Variants in PARVA observed in about 807,000 individuals in gnomAD.
PARVA encodes alpha-parvin.
PARVA carries 25 observed loss-of-function variants against 52.6 expected under a neutral mutation model. The observed-to-expected ratio is 0.48, with a 90% CI of 0.35 to 0.66. The LOEUF (loss-of-function observed/expected upper bound fraction) is 0.66, where lower values mean the gene tolerates loss of function less well. Among genes scored for constraint, PARVA ranks in the 30% least tolerant of loss-of-function variants. The pLI is 0.01. For synonymous variants in PARVA, 185 were observed against 179.1 expected (o/e 1.03, Z -0.26); for missense variants, 373 against 450.9 (o/e 0.83, Z 1.56).
rs927752762 is a variant in PARVA at position 12,397,891 on chromosome 11, G to A, written c.136+20108G>A. Among the ~76,000 whole-genome samples the A allele has an allele frequency of 2.0e-5, 3 of 151,706 alleles. No homozygotes were observed. The South Asian group carries it at 6.3e-4, about 32-fold the overall frequency. On this transcript the variant is annotated intron_variant, in intron 1 of 12. Coordinates refer to ENST00000334956, the MANE Select transcript of PARVA (RefSeq NM_018222.5). Reference sequence around the variant, plus strand: ...TTCACACTCCTCTGGATGCAGAGGGGCCAGATTTCTGACGAGAGGAGGAAG... The same window carrying A: ...TTCACACTCCTCTGGATGCAGAGGGACCAGATTTCTGACGAGAGGAGGAAG...
At chr11:12,497,908 A>G (rs563332835) in intron 5 of PARVA, among the ~76,000 whole-genome samples, 11 of 152,288 alleles carry the variant, frequency 7.2e-5, no homozygotes, top group South Asian at 2.1e-4. Context: ...GTTTGATCCT[A>G]TCTCCCGCTC....
At chr11:12,494,140 G>C (rs1245944998) in intron 4 of PARVA, among the ~76,000 whole-genome samples, 2 of 152,222 alleles carry the variant, frequency 1.3e-5, no homozygotes, top group African/African-American at 4.8e-5. Flanking sequence ...ATGGTTTGTG[G>C]GAGAGGCACA....
chr11:12,395,790 A>G (rs1042673704), intron 1 of PARVA, among the ~76,000 whole-genome samples: 1 of 152,176 alleles, frequency 6.6e-6, no homozygotes, highest in Non-Finnish European at 1.5e-5. Flanking sequence ...TTCTGACCCA[A>G]TGCAAATTAA....
chr11:12,399,847 G>C (rs1342175914), intron 1 of PARVA, among the ~76,000 whole-genome samples: 2 of 152,120 alleles, frequency 1.3e-5, no homozygotes, highest in East Asian at 3.9e-4. Context: ...CATTGTTGGA[G>C]CTTAGGTATG....
intron 1 of PARVA, among the ~76,000 whole-genome samples, chr11:12,449,101 G>T (rs1336077044): frequency 1.3e-5 from 2 of 151,766 alleles, no homozygotes. Flanking sequence ...TCAATAAAAA[G>T]ATTTTTATGT....
At chr11:12,435,512 A>T (rs189891100) in intron 1 of PARVA, among the ~76,000 whole-genome samples, 3 of 152,320 alleles carry the variant, frequency 2.0e-5, no homozygotes, top group Admixed American at 1.3e-4. Flanking sequence ...TTTTGTCATG[A>T]TAGCAAGTGC....
chr11:12,498,571 CTTTTTTTTT>C (rs138332169), intron 5 of PARVA, among the ~76,000 whole-genome samples: 1 of 84,132 alleles, frequency 1.2e-5, no homozygotes, highest in East Asian at 3.7e-4. Context: ...GTCATATACA[CTTTTTTTTT>C]TTTTTTTTTT....
rs113830304 is a variant in PARVA, at chr11:12,504,774, G to GGTGGGTGT, written c.657+348_657+349insGGTGTGTG. 1.3e-4 allele frequency among the ~76,000 whole-genome samples: 20 copies of GGTGGGTGT among 149,346 alleles called. No individual in the cohort carries two copies. In the East Asian group the frequency reaches 1.8e-3, roughly 13 times the overall value. On this transcript the variant is annotated intron_variant, in intron 6 of 12. Coordinates refer to ENST00000334956, the MANE Select transcript of PARVA (RefSeq NM_018222.5). ...ATGGGGTCAGGAGGAAAGGTATGTG[G>GGTGGGTGT]GTGTGTGTGTGTGTGTGTGAGTTTG...
At chr11:12,512,070 G>A (rs573525105) in intron 8 of PARVA, among the ~76,000 whole-genome samples, 2 of 152,146 alleles carry the variant, frequency 1.3e-5, no homozygotes, top group Non-Finnish European at 2.9e-5. Flanking sequence ...ATCATCTAAT[G>A]CTCATAACAT....
chr11:12,401,763 A>C (rs1056950661), intron 1 of PARVA, among the ~76,000 whole-genome samples: 2 of 152,236 alleles, frequency 1.3e-5, no homozygotes, highest in Non-Finnish European at 2.9e-5. Context: ...GCATGAAAAA[A>C]TGTTTTTAAA....
intron 10 of PARVA, among the ~76,000 whole-genome samples, chr11:12,514,874 T>C (rs1941549320): frequency 2.0e-5 from 3 of 152,264 alleles, no homozygotes; most frequent in African/African-American, 2.4e-5. Flanking sequence ...TTTGCTCACA[T>C]GCTGCATTTA....
chr11:12,450,621 A>G (rs181538419), intron 1 of PARVA, among the ~76,000 whole-genome samples: 245 of 152,346 alleles, frequency 1.6e-3, no homozygotes, highest in Non-Finnish European at 3.0e-3. Context: ...CTCACAAGGT[A>G]AAGTCTCACA....
At chr11:12,394,120 T>C (rs1159699720) in intron 1 of PARVA, among the ~76,000 whole-genome samples, 1 of 152,222 alleles carries the variant, frequency 6.6e-6, no homozygotes, top group African/African-American at 2.4e-5. Flanking sequence ...GGAATTATTA[T>C]TATTTTCATT....
At chr11:12,448,056 C>T (rs902219991) in intron 1 of PARVA, among the ~76,000 whole-genome samples, 2 of 152,220 alleles carry the variant, frequency 1.3e-5, no homozygotes, top group African/African-American at 2.4e-5. Context: ...AGGTATCTTT[C>T]ATATAGGAGG....
rs1216380128 is a variant in PARVA, at chr11:12,513,302, G to C, written c.740G>C (p.Arg247Pro). 1.2e-6 allele frequency: 2 copies of C among 1,613,266 alleles called. No homozygotes were observed. The highest frequency in any genetic ancestry group is 8.5e-7 in the Non-Finnish European group (1 of 1,179,482). ...NTEALSGRHE[R>P]DAFDTLFDHA... Reference sequence around the variant, plus strand: ...ATTGTGTTTCCCTCTTTTTCAGAACGTGATGCCTTTGACACCTTGTTCGAC... The same window carrying C: ...ATTGTGTTTCCCTCTTTTTCAGAACCTGATGCCTTTGACACCTTGTTCGAC... The change falls in exon 9 of 13, where the codon CGT becomes CCT. Residue 247 changes from arginine to proline, a missense_variant. Transcript: ENST00000334956.
chr11:12,483,833 A>G (rs1941121860), intron 4 of PARVA, among the ~76,000 whole-genome samples: 1 of 152,180 alleles, frequency 6.6e-6, no homozygotes. Flanking sequence ...TCTTCATGAC[A>G]TACACTTCAT....
At chr11:12,452,057 C>T (rs1165559272) in intron 1 of PARVA, among the ~76,000 whole-genome samples, 1 of 151,948 alleles carries the variant, frequency 6.6e-6, no homozygotes, top group Non-Finnish European at 1.5e-5. Flanking sequence ...CACCACCACC[C>T]TGCAGGGCTA....
At chr11:12,472,826 G>A (rs1056657948) in intron 1 of PARVA, among the ~76,000 whole-genome samples, 2 of 152,196 alleles carry the variant, frequency 1.3e-5, no homozygotes, top group African/African-American at 4.8e-5. Context: ...CAAAAAGCAA[G>A]GGGATTTAAG....
At chr11:12,386,908 G>A (rs1304042458) in intron 1 of PARVA, among the ~76,000 whole-genome samples, 1 of 152,218 alleles carries the variant, frequency 6.6e-6, no homozygotes, top group East Asian at 1.9e-4. Flanking sequence ...GCACCTCTGT[G>A]TCGGGAGGAG....
Sources: allele counts gnomAD v4.1 joint callset (sites outside exome capture counted in the v4.1 genomes callset), GRCh38; gene constraint gnomAD v4.1.1; transcripts MANE v1.5; gene names NCBI Gene and HGNC (gene_info 2026-07-23, HGNC 2026-07-21).